The following CCDC157 variants were observed in gnomAD, a reference collection of about 807,000 sequenced individuals.
CCDC157 encodes coiled-coil domain containing 157.
Under a neutral mutation model 70.9 loss-of-function variants are expected in CCDC157, and 60 were observed. The observed-to-expected ratio is 0.85, with a 90% CI of 0.69 to 1.05. The LOEUF is 1.05. Among genes scored for constraint, CCDC157 ranks in the 50% least tolerant of loss-of-function variants. CCDC157 has a pLI of 0.00. For missense variants in CCDC157, 943 were observed against 984.2 expected, an observed-to-expected ratio of 0.96 and a Z score of 0.56; for synonymous variants, 373 against 422.4, an observed-to-expected ratio of 0.88 and a Z score of 1.43.
At chr22:30,360,846 G>C (rs1275664818) in intron 1 of CCDC157, among the ~76,000 whole-genome samples, 1 of 152,096 alleles carries the variant, frequency 6.6e-6, no homozygotes, top group Non-Finnish European at 1.5e-5. Flanking sequence ...AGGAGTTTGA[G>C]ACTAGCCTGA....
chr22:30,371,137 T>C (rs940476007), intron 5 of CCDC157, 187 bp downstream of exon 5: 41 of 719,140 alleles, frequency 5.7e-5, no homozygotes, highest in Non-Finnish European at 8.3e-5. Flanking sequence ...GACACTGTGA[T>C]CTCAGTCCCA....
intron 3 of CCDC157, chr22:30,368,924 C>T (rs189054170): frequency 1.3e-5 from 2 of 152,620 alleles, no homozygotes; most frequent in East Asian, 1.9e-4. Context: ...ACACAGGTCT[C>T]CACTGTCACA....
chr22:30,369,244 C>T (rs780761303), intron 3 of CCDC157, 188 bp from the exon 4 acceptor site: 3 of 432,366 alleles, frequency 6.9e-6, no homozygotes, highest in Non-Finnish European at 1.2e-5. Context: ...GAGGCTGTGG[C>T]CAGGGAGGGC....
chr22:30,373,494 G>A (rs1215326398), intron 7 of CCDC157, 103 bp from the exon 8 acceptor site: 10 of 1,293,434 alleles, frequency 7.7e-6, no homozygotes, highest in South Asian at 2.7e-5. Context: ...CCCCAGGGGG[G>A]TAGCAGCCGA....
At chr22:30,356,632 T>G (rs1931862592), upstream of CCDC157, 10 of 985,278 alleles carry the variant, frequency 1.0e-5, no homozygotes, top group Middle Eastern at 2.4e-4. Flanking sequence ...TTGCAGTCCC[T>G]CCAAGCCCTT....
chr22:30,373,656 TGA>T lies in CCDC157; in HGVS notation c.1397_1398del (p.Glu466GlyfsTer10). 1.0e-5 allele frequency: 16 copies of T among 1,558,378 alleles called. No homozygotes were observed. The highest frequency in any genetic ancestry group is 1.3e-5 in the Non-Finnish European group (15 of 1,151,024). On this transcript the variant is annotated frameshift_variant, in exon 8 of 12. Transcript: ENST00000338306. LOFTEE classifies it high-confidence loss of function. ...AGCTGGACAGCCTGGACCAGGAACG[TGA>T]GGAGCTGCGGGGCAGCCTGGACGAG... The part of the protein sequence containing the change: ...KQLDSLDQER[E>X]ELRGSLDEAE...
At chr22:30,356,810 C>A (rs1032511039), upstream of CCDC157, 8 of 1,351,060 alleles carry the variant, frequency 5.9e-6, no homozygotes, top group Non-Finnish European at 7.7e-6. Flanking sequence ...ACGCTCAGGG[C>A]TGCCAGTCCG....
chr22:30,363,973 C>T (rs920338591), intron 2 of CCDC157, among the ~76,000 whole-genome samples: 2 of 152,004 alleles, frequency 1.3e-5, no homozygotes, highest in Non-Finnish European at 1.5e-5. Flanking sequence ...TGAGCCATTG[C>T]GCCTGGCCTC....
intron 2 of CCDC157, among the ~76,000 whole-genome samples, chr22:30,363,757 CG>C (rs1569183220): frequency 6.8e-6 from 1 of 146,938 alleles, no homozygotes; most frequent in East Asian, 2.0e-4. Context: ...GGCGCGATCT[CG>C]GCTCACTGCA....
At chr22:30,373,815 T>A in intron 8 of CCDC157, 51 bp downstream of exon 8, 1 of 1,533,722 alleles carries the variant, frequency 6.5e-7, no homozygotes, top group East Asian at 2.4e-5. Context: ...GCCAACTGAG[T>A]GCCTGCAGGC....
intron 5 of CCDC157, chr22:30,371,257 C>T (rs1011316913): frequency 5.9e-6 from 3 of 506,276 alleles, no homozygotes; most frequent in Non-Finnish European, 1.1e-5. Context: ...GGGCTACTTC[C>T]AGAGAGTTAT....
chr22:30,378,028 C>T lies in CCDC157; in HGVS notation c.*1283C>T, dbSNP rs551364077. 2.9e-5 allele frequency: 13 copies of T among 448,246 alleles called. No individual in the cohort carries two copies. The highest frequency in any genetic ancestry group is 5.2e-5 in the Admixed American group (2 of 38,412). The allele number at this position is 448,246 out of a possible 1,614,324, so 27.8% of individuals were successfully genotyped here. A position where few individuals can be genotyped will look rare whatever the true frequency, so the allele number is the denominator to read the frequency against. ...CAAGCTCCACTTGTTGGCAGAATTC[C>T]GATCCTTGCGGCTGTGGGACTGAGG... On this transcript the variant is annotated 3_prime_UTR_variant, in exon 12 of 12. Coordinates refer to ENST00000338306, the MANE Select transcript of CCDC157 (RefSeq NM_001017437.5).
intron 8 of CCDC157, 72 bp from the exon 9 acceptor site, chr22:30,373,851 G>T: frequency 6.5e-7 from 1 of 1,543,134 alleles, no homozygotes; most frequent in Non-Finnish European, 8.8e-7. Flanking sequence ...TCTTGGGTAG[G>T]GACGGTGCCC....
intron 7 of CCDC157, 124 bp from the exon 8 acceptor site, chr22:30,373,467 CTAGACA>C: frequency 1.0e-6 from 1 of 1,004,336 alleles, no homozygotes; most frequent in African/African-American, 1.6e-5. Flanking sequence ...CCAGCATTCC[CTAGACA>C]CAGACACACA....
Position 30,369,502 on chromosome 22 carries a change from G to A in CCDC157, c.319G>A (p.Ala107Thr). Residue 107 changes from alanine (A) to threonine (T), a missense_variant, in exon 4 of 12, where the codon GCA becomes ACA. By Grantham distance (58) the Ala-to-Thr change is moderately conservative. Coordinates refer to ENST00000338306, the MANE Select transcript of CCDC157 (RefSeq NM_001017437.5). ...TGGCTCAGAGCAGATGATGCCCCCT[G>A]CACAGGCTGCGGGGCCCTGCATGTC... Reference protein sequence around the residue: ...NLGSEQMMPPAQAAGPCMSVG... With the variant: ...NLGSEQMMPPTQAAGPCMSVG... 6.2e-7 allele frequency: 1 copy of A among 1,605,396 alleles called. No homozygotes were observed. The highest frequency in any genetic ancestry group is 8.5e-7 in the Non-Finnish European group (1 of 1,175,204).
At position 30,366,145 on chromosome 22, in the gene CCDC157, G is replaced by C. The variant is rs778897051; in HGVS notation, c.145G>C (p.Asp49His). The C allele has an allele frequency of 8.7e-6, 14 of 1,613,710 alleles. No homozygotes were observed. Among genetic ancestry groups the C allele is most frequent in the Non-Finnish European group, 1.2e-5 (14 of 1,180,036 alleles). Residue 49 changes from aspartate (D) to histidine (H), a missense_variant, in exon 3 of 12, where the codon GAC (aspartate) becomes CAC (histidine). Physicochemically the swap from Asp to His is moderately conservative, Grantham distance 81. Transcript: ENST00000338306. ...GAAGTTCCCTGACCGCATGGCCTGTGACCTCGACATGGTGGCCCTGCTGGA... is the reference window on the plus strand; with the variant it reads ...GAAGTTCCCTGACCGCATGGCCTGTCACCTCGACATGGTGGCCCTGCTGGA... ...SWKFPDRMAC[D>H]LDMVALLEHY...
chr22:30,374,129 C>T, intron 9 of CCDC157, 38 bp downstream of exon 9: 2 of 1,556,392 alleles, frequency 1.3e-6, no homozygotes, highest in Non-Finnish European at 1.7e-6. Flanking sequence ...CATGCTGGGG[C>T]TCAGGGCCAG....
rs1322195368 is a variant in CCDC157 at position 30,374,087 on chromosome 22, C to T, written c.1668C>T (p.Ile556=). Residue 556 remains isoleucine, a synonymous_variant, in exon 9 of 12, where the codon ATC becomes ATT. Coordinates refer to ENST00000338306, the MANE Select transcript of CCDC157 (RefSeq NM_001017437.5). Reference sequence around the variant, plus strand: ...TGCACAGGCCCACCGAGACCCAGATCCATGGTAGGGGACTGGGGATGGTGC... The same window carrying T: ...TGCACAGGCCCACCGAGACCCAGATTCATGGTAGGGGACTGGGGATGGTGC... ...PDLHRPTETQ[I]HGGRSSSVES... The T allele has an allele frequency of 2.5e-6, 4 of 1,595,104 alleles. No individual in the cohort carries two copies. The highest frequency in any genetic ancestry group is 3.4e-6 in the Non-Finnish European group (4 of 1,172,182).
At chr22:30,366,656 C>G (rs1932752998) in intron 3 of CCDC157, 1 of 242,792 alleles carries the variant, frequency 4.1e-6, no homozygotes, top group African/African-American at 2.2e-5. Context: ...GCTGTTCCCT[C>G]TGCATATCAC....
Sources: gnomAD v4.1 joint callset for allele counts (sites outside exome capture counted in the v4.1 genomes callset) on GRCh38, gnomAD v4.1.1 for gene constraint, MANE v1.5 for transcripts, NCBI Gene and HGNC (gene_info 2026-07-23, HGNC 2026-07-21) for gene names.